Variants in SIPA1L1 observed in about 807,000 individuals in gnomAD.
SIPA1L1 encodes the protein signal induced proliferation associated 1 like 1.
SIPA1L1 carries 26 observed loss-of-function variants against 162.7 expected under a neutral mutation model. That is an observed-to-expected ratio of 0.16 (90% CI 0.12 to 0.22). The LOEUF is 0.22. Ranked by LOEUF, SIPA1L1 falls within the 10% of genes least tolerant of loss-of-function variation. The pLI is 1.00. For synonymous variants in SIPA1L1, 829 were observed against 837.4 expected (o/e 0.99, Z 0.17); for missense variants, 1,874 against 2,241.0 (o/e 0.84, Z 3.31).
intron 9 of SIPA1L1, among the ~76,000 whole-genome samples, chr14:71,659,107 T>A (rs2043298928): frequency 6.6e-6 from 1 of 152,224 alleles, no homozygotes. Flanking sequence ...ATGTGGTAGT[T>A]GATTTTTTAA....
chr14:71,558,770 A>G (rs1009316719), intron 4 of SIPA1L1, among the ~76,000 whole-genome samples: 27 of 152,048 alleles, frequency 1.8e-4, no homozygotes, highest in African/African-American at 6.5e-4. Context: ...TATATACTCA[A>G]ACCTCCAGGG....
chr14:71,519,998 G>A (rs990459869), intron 3 of SIPA1L1, among the ~76,000 whole-genome samples: 3 of 151,196 alleles, frequency 2.0e-5, no homozygotes, highest in Non-Finnish European at 4.4e-5. Context: ...TAATCTTAGC[G>A]GCTGAGGACA....
chr14:71,477,229 C>G (rs946301346), intron 2 of SIPA1L1, among the ~76,000 whole-genome samples: 1 of 152,004 alleles, frequency 6.6e-6, no homozygotes, highest in South Asian at 2.1e-4. Context: ...CTACTGCACT[C>G]CAGCCTGGGC....
intron 2 of SIPA1L1, among the ~76,000 whole-genome samples, chr14:71,508,950 A>G (rs1026167182): frequency 3.3e-5 from 5 of 152,162 alleles, no homozygotes; most frequent in Non-Finnish European, 7.4e-5. Context: ...TGGTGAGTGT[A>G]CCCTGTTGAG....
At chr14:71,432,551 T>A (rs1006603192) in intron 2 of SIPA1L1, among the ~76,000 whole-genome samples, 2 of 152,160 alleles carry the variant, frequency 1.3e-5, no homozygotes, top group East Asian at 3.8e-4. Flanking sequence ...AATGTATTTA[T>A]GTTTTATGAC....
intron 13 of SIPA1L1, among the ~76,000 whole-genome samples, chr14:71,694,715 A>G (rs1199969324): frequency 6.6e-6 from 1 of 152,240 alleles, no homozygotes; most frequent in Non-Finnish European, 1.5e-5. Context: ...GAATGGAAAG[A>G]TCTCACAGCA....
At chr14:71,530,941 G>C (rs2053385084) in intron 4 of SIPA1L1, among the ~76,000 whole-genome samples, 2 of 152,210 alleles carry the variant, frequency 1.3e-5, no homozygotes, top group Admixed American at 1.3e-4. Context: ...TTAGGTACTT[G>C]TGAAAAGATC....
intron 5 of SIPA1L1, among the ~76,000 whole-genome samples, chr14:71,591,471 C>A (rs1337711906): frequency 6.6e-6 from 1 of 152,110 alleles, no homozygotes; most frequent in African/African-American, 2.4e-5. Context: ...AATGTGAATG[C>A]CTAGATTCCA....
chr14:71,683,764 A>G (rs537202504), intron 12 of SIPA1L1, among the ~76,000 whole-genome samples: 1 of 152,358 alleles, frequency 6.6e-6, no homozygotes, highest in African/African-American at 2.4e-5. Flanking sequence ...ATTAACTACT[A>G]AAAGTAATGT....
intron 12 of SIPA1L1, among the ~76,000 whole-genome samples, chr14:71,680,579 T>A (rs538213687): frequency 4.0e-5 from 6 of 151,708 alleles, no homozygotes. Flanking sequence ...ATAACTAAGA[T>A]CAGAGAAGAT....
At chr14:71,641,405 C>T (rs961321264) in intron 7 of SIPA1L1, among the ~76,000 whole-genome samples, 1 of 151,854 alleles carries the variant, frequency 6.6e-6, no homozygotes, top group Non-Finnish European at 1.5e-5. Flanking sequence ...GACTGTTAAA[C>T]ATTTGCTGGG....
In SIPA1L1 at chr14:71,575,363, A is replaced by G. The variant is rs1262615419; in HGVS notation, c.-302-12208A>G. On this transcript the variant is annotated intron_variant, in intron 4 of 23. Coordinates refer to ENST00000381232, the MANE Select transcript of SIPA1L1 (RefSeq NM_001386936.1). The stretch of plus-strand genomic sequence containing the variant: ...AATATGTATACTATGATGAGTGACT[A>G]TCATTGGGCTTGGGATTGGGACATG... Among the ~76,000 whole-genome samples the G allele has an allele frequency of 2.6e-5, 4 of 152,158 alleles. No individual in the cohort carries two copies. In the East Asian group the frequency reaches 7.7e-4, roughly 29 times the overall value.
chr14:71,322,728 A>G (rs959097956), intron 2 of SIPA1L1, among the ~76,000 whole-genome samples: 2 of 152,360 alleles, frequency 1.3e-5, no homozygotes, highest in East Asian at 3.8e-4. Context: ...GTCTCTGACA[A>G]CTAATTTTCT....
At chr14:71,674,458 A>G (rs975095633) in intron 12 of SIPA1L1, among the ~76,000 whole-genome samples, 6 of 151,998 alleles carry the variant, frequency 3.9e-5, no homozygotes, top group Admixed American at 2.6e-4. Flanking sequence ...TTACCTTAAT[A>G]TGCCAGGCCC....
chr14:71,413,749 C>A (rs1025057274), intron 2 of SIPA1L1, among the ~76,000 whole-genome samples: 22 of 151,988 alleles, frequency 1.4e-4, no homozygotes, highest in African/African-American at 3.1e-4. Context: ...AAAACAAAAG[C>A]CCAATAAATG....
intron 2 of SIPA1L1, among the ~76,000 whole-genome samples, chr14:71,413,156 C>A (rs1243827707): frequency 6.6e-6 from 1 of 152,200 alleles, no homozygotes; most frequent in African/African-American, 2.4e-5. Flanking sequence ...GCCCACCCCC[C>A]ACTTCACTTG....
intron 2 of SIPA1L1, among the ~76,000 whole-genome samples, chr14:71,447,171 C>G (rs2045470696): frequency 6.6e-6 from 1 of 151,780 alleles, no homozygotes; most frequent in African/African-American, 2.4e-5. Flanking sequence ...GCCTTAGCCT[C>G]CCAAAGTGTT....
intron 5 of SIPA1L1, among the ~76,000 whole-genome samples, chr14:71,609,438 TTTTATTTATTTATTTA>T (rs57449706): frequency 5.9e-4 from 83 of 140,184 alleles, no homozygotes; most frequent in East Asian, 1.3e-3. Context: ...CCAGCTAATA[TTTTATTTATTTATTTA>T]TTTATTTATT....
At chr14:71,367,807 A>G (rs1180833012) in intron 2 of SIPA1L1, among the ~76,000 whole-genome samples, 1 of 138,976 alleles carries the variant, frequency 7.2e-6, no homozygotes, top group Non-Finnish European at 1.5e-5. Flanking sequence ...GGGTTTCACC[A>G]TGTTGGCCAG....
Sources: gnomAD v4.1 joint callset for allele counts (sites outside exome capture counted in the v4.1 genomes callset) on GRCh38, gnomAD v4.1.1 for gene constraint, MANE v1.5 for transcripts, NCBI Gene and HGNC (gene_info 2026-07-23, HGNC 2026-07-21) for gene names.